Variants in PCDH9 observed in about 807,000 individuals in gnomAD.
The protein encoded by PCDH9 is protocadherin-9.
Under a neutral mutation model 70.6 loss-of-function variants are expected in PCDH9, and 24 were observed. The observed-to-expected ratio is 0.34, with a 90% CI of 0.25 to 0.48. PCDH9 has a LOEUF of 0.48. Ranked by LOEUF, PCDH9 falls within the 20% of genes least tolerant of loss-of-function variation. The probability of loss-of-function intolerance (pLI) is 0.99; values close to 1 mark genes in which losing one functional copy is unlikely to be tolerated. For missense variants in PCDH9, 1,281 were observed against 1,503.6 expected, an observed-to-expected ratio of 0.85 and a Z score of 2.45; for synonymous variants, 562 against 558.5, an observed-to-expected ratio of 1.01 and a Z score of -0.09.
At chr13:67,016,341 C>A (rs1178717414) in intron 2 of PCDH9, among the ~76,000 whole-genome samples, 1 of 152,148 alleles carries the variant, frequency 6.6e-6, no homozygotes, top group Non-Finnish European at 1.5e-5. Context: ...CATATTCACT[C>A]CATGAAGCAT....
intron 3 of PCDH9, among the ~76,000 whole-genome samples, chr13:66,718,620 G>A (rs977995796): frequency 1.3e-5 from 2 of 152,182 alleles, no homozygotes; most frequent in African/African-American, 4.8e-5. Flanking sequence ...GCTATCAGCA[G>A]AGGATAATAT....
intron 4 of PCDH9, among the ~76,000 whole-genome samples, chr13:66,507,038 A>G (rs1396496258): frequency 6.6e-6 from 1 of 152,206 alleles, no homozygotes; most frequent in East Asian, 1.9e-4. Context: ...TTGTTAAGTC[A>G]ACAGAAAGCT....
Position 67,050,676 on chromosome 13 carries a change from G to A in PCDH9, c.3037-147071C>T, listed in dbSNP as rs1003283150. Among the ~76,000 whole-genome samples, 9 of 152,226 alleles carry A rather than the reference G, an allele frequency of 5.9e-5. No homozygotes were observed. The South Asian group carries it at 1.9e-3, about 32-fold the overall frequency. ...CTTAGGATGGGTACTTTAATGATTG[G>A]AACAGTGACTCTGTCTAGCGTAAGA... On this transcript the variant is annotated intron_variant, in intron 2 of 4. Transcript: ENST00000377865.
At chr13:67,164,841 C>T (rs1361828900) in intron 2 of PCDH9, among the ~76,000 whole-genome samples, 1 of 152,148 alleles carries the variant, frequency 6.6e-6, no homozygotes, top group Non-Finnish European at 1.5e-5. Flanking sequence ...ACAGGAACTT[C>T]TGCATCCCTC....
intron 4 of PCDH9, among the ~76,000 whole-genome samples, chr13:66,331,305 C>T (rs762353129): frequency 5.3e-5 from 8 of 152,220 alleles, no homozygotes; most frequent in Middle Eastern, 3.4e-3. Context: ...TGGGAAAAAT[C>T]CAGTCTTGGC....
intron 3 of PCDH9, among the ~76,000 whole-genome samples, chr13:66,873,578 G>T (rs2081738826): frequency 6.6e-6 from 1 of 152,012 alleles, no homozygotes; most frequent in African/African-American, 2.4e-5. Context: ...CCCTGTACAG[G>T]TTCTATTGAA....
intron 4 of PCDH9, among the ~76,000 whole-genome samples, chr13:66,496,383 T>C (rs1433090842): frequency 1.3e-5 from 2 of 152,186 alleles, no homozygotes; most frequent in Non-Finnish European, 2.9e-5. Context: ...TAGCTACTGA[T>C]TGTCCTAAAG....
chr13:66,875,142 C>T (rs1488390041), intron 3 of PCDH9, among the ~76,000 whole-genome samples: 1 of 152,144 alleles, frequency 6.6e-6, no homozygotes, highest in East Asian at 1.9e-4. Context: ...CCTAAAGGAG[C>T]TAGACTTGAT....
chr13:66,563,659 T>C (rs535462390), intron 4 of PCDH9, among the ~76,000 whole-genome samples: 1 of 152,308 alleles, frequency 6.6e-6, no homozygotes, highest in South Asian at 2.1e-4. Context: ...TTCCATATTT[T>C]CTGCATACCT....
chr13:66,661,724 G>A (rs2078011457), intron 3 of PCDH9, among the ~76,000 whole-genome samples: 1 of 152,162 alleles, frequency 6.6e-6, no homozygotes, highest in Non-Finnish European at 1.5e-5. Flanking sequence ...GACACAGGAA[G>A]ACAAAGCTTA....
chr13:66,949,826 A>G (rs1390792846), intron 2 of PCDH9, among the ~76,000 whole-genome samples: 2 of 152,108 alleles, frequency 1.3e-5, no homozygotes, highest in African/African-American at 4.8e-5. Flanking sequence ...ATATTTTACA[A>G]TTTGCCTGAT....
At chr13:67,040,750 A>C (rs1452642762) in intron 2 of PCDH9, among the ~76,000 whole-genome samples, 2 of 152,212 alleles carry the variant, frequency 1.3e-5, no homozygotes, top group Non-Finnish European at 2.9e-5. Flanking sequence ...ATTAGAAACA[A>C]AGAAATATTT....
chr13:66,401,595 A>G (rs910876664), intron 4 of PCDH9, among the ~76,000 whole-genome samples: 1 of 152,148 alleles, frequency 6.6e-6, no homozygotes, highest in Non-Finnish European at 1.5e-5. Flanking sequence ...TCTAACAAAT[A>G]TAATTTATAA....
intron 3 of PCDH9, among the ~76,000 whole-genome samples, chr13:66,749,071 A>T (rs2079417122): frequency 6.6e-6 from 1 of 152,164 alleles, no homozygotes; most frequent in Non-Finnish European, 1.5e-5. Flanking sequence ...TTCTGCCATG[A>T]TTATAAGTTT....
chr13:66,923,412 T>C (rs2082668521), intron 2 of PCDH9, among the ~76,000 whole-genome samples: 1 of 151,642 alleles, frequency 6.6e-6, no homozygotes, highest in Non-Finnish European at 1.5e-5. Context: ...TTCAAACATT[T>C]TTAATCTGTA....
intron 2 of PCDH9, among the ~76,000 whole-genome samples, chr13:66,956,614 G>C (rs1248902287): frequency 3.3e-5 from 5 of 152,064 alleles, no homozygotes. Flanking sequence ...AGCCGACCGT[G>C]GTGGCACACA....
At chr13:67,012,372 G>A (rs2084468105) in intron 2 of PCDH9, among the ~76,000 whole-genome samples, 1 of 151,858 alleles carries the variant, frequency 6.6e-6, no homozygotes, top group Admixed American at 6.6e-5. Flanking sequence ...TGGCCATCAT[G>A]TTTTCTCTGG....
chr13:66,317,946 A>G (rs1237547899), intron 4 of PCDH9, among the ~76,000 whole-genome samples: 1 of 152,156 alleles, frequency 6.6e-6, no homozygotes, highest in East Asian at 1.9e-4. Context: ...GCTGTACATA[A>G]AGAAAAACTA....
At chr13:67,015,247 G>A (rs2084537151) in intron 2 of PCDH9, among the ~76,000 whole-genome samples, 1 of 152,098 alleles carries the variant, frequency 6.6e-6, no homozygotes, top group African/African-American at 2.4e-5. Flanking sequence ...TCCCTGGACA[G>A]GCTCACTGGC....
Sources: gnomAD v4.1 joint callset for allele counts (sites outside exome capture counted in the v4.1 genomes callset) on GRCh38, gnomAD v4.1.1 for gene constraint, MANE v1.5 for transcripts, NCBI Gene and HGNC (gene_info 2026-07-23, HGNC 2026-07-21) for gene names.